The following CPNE5 variants were observed in gnomAD, a reference collection of about 807,000 sequenced individuals.
The protein encoded by CPNE5 is copine-5.
Under a neutral mutation model 81.1 loss-of-function variants are expected in CPNE5, and 42 were observed. That is an observed-to-expected ratio of 0.52 (90% confidence interval 0.40 to 0.67). The LOEUF (loss-of-function observed/expected upper bound fraction) is 0.67. Ranked by LOEUF, CPNE5 falls within the 30% of genes least tolerant of loss-of-function variation. The pLI, the probability that CPNE5 is intolerant of heterozygous loss-of-function variation, is 0.00. For missense variants in CPNE5, 612 were observed against 815.5 expected, an observed-to-expected ratio of 0.75 and a Z score of 3.04; for synonymous variants, 313 against 321.5, an observed-to-expected ratio of 0.97 and a Z score of 0.28.
chr6:36,809,546 A>T (rs750420993), intron 3 of CPNE5, among the ~76,000 whole-genome samples: 54 of 152,158 alleles, frequency 3.5e-4, no homozygotes, highest in Admixed American at 1.4e-3. Flanking sequence ...ACTGCACTCC[A>T]GCCTGGGCGA....
intron 20 of CPNE5, chr6:36,742,881 G>T: frequency 9.1e-6 from 9 of 985,278 alleles, no homozygotes; most frequent in Non-Finnish European, 1.1e-5. Context: ...TCTCTCTCTG[G>T]CCTCTCTTCG....
rs746062426 is a variant in CPNE5 at position 36,744,271 on chromosome 6, C to T, written c.1486G>A (p.Asp496Asn). 11 of 1,578,280 alleles carry T rather than the reference C, an allele frequency of 7.0e-6. No individual in the cohort carries two copies. Among genetic ancestry groups the T allele is most frequent in the Non-Finnish European group, 8.6e-6 (10 of 1,162,560 alleles). ...IIVGVGQAEFDAMVELDGDDV... is the reference protein window; with the variant it reads ...IIVGVGQAEFNAMVELDGDDV... ...GGAAGGCAGCAGCTGGACTCACCGTCGAACTCTGCCTGGCCCACGCCGACG... is the reference window on the plus strand; with the variant it reads ...GGAAGGCAGCAGCTGGACTCACCGTTGAACTCTGCCTGGCCCACGCCGACG... Residue 496 changes from aspartate (D) to asparagine (N), a missense_variant, in exon 19 of 21, where the codon GAC becomes AAC. By Grantham distance (23) the Asp-to-Asn change is conservative (BLOSUM62 1). Transcript: ENST00000244751.
At position 36,766,715 on chromosome 6, in the gene CPNE5, T is replaced by C. The variant is rs377291939; in HGVS notation, c.738-1339A>G. ...AATCTCCCCGAGCCATAAGCCACCA[T>C]TGAAAGGAGAAGTAATAACGGCCTT... On this transcript the variant is annotated intron_variant, in intron 10 of 20. Transcript: ENST00000244751. The surrounding 1 kb of genome is among the most constrained non-coding windows in gnomAD (Gnocchi z 4.2). Among the ~76,000 whole-genome samples, 1 of 152,108 alleles carries C rather than the reference T, an allele frequency of 6.6e-6. No homozygotes were observed. The highest frequency in any genetic ancestry group is 1.9e-4 in the East Asian group (1 of 5,190).
chr6:36,833,458 A>G (rs1299106076), intron 1 of CPNE5, among the ~76,000 whole-genome samples: 1 of 152,224 alleles, frequency 6.6e-6, no homozygotes, highest in African/African-American at 2.4e-5. Context: ...ATGTATAACA[A>G]AGGCGATCAG....
intron 2 of CPNE5, among the ~76,000 whole-genome samples, chr6:36,822,825 C>T (rs1295797073): frequency 2.6e-5 from 4 of 152,146 alleles, no homozygotes; most frequent in African/African-American, 7.2e-5. Context: ...ACCTCCAACC[C>T]CTCCCAGCCT....
chr6:36,789,846 T>A (rs755055758), intron 8 of CPNE5, among the ~76,000 whole-genome samples: 4 of 152,136 alleles, frequency 2.6e-5, no homozygotes, highest in Admixed American at 6.5e-5. Context: ...GCACACTGGG[T>A]GGGGTTCATT....
intron 1 of CPNE5, chr6:36,838,830 T>C (rs1017508812): frequency 2.5e-6 from 2 of 793,452 alleles, no homozygotes; most frequent in Non-Finnish European, 3.0e-6. Context: ...ATCAGGATGC[T>C]GGGGCAAAGA....
intron 4 of CPNE5, 64 bp downstream of exon 4, chr6:36,799,903 G>A: frequency 5.9e-6 from 7 of 1,190,770 alleles, no homozygotes; most frequent in Non-Finnish European, 8.8e-6. Context: ...ACAGGTCTGT[G>A]GTCCTACCTG....
intron 3 of CPNE5, among the ~76,000 whole-genome samples, chr6:36,817,783 A>G (rs1771678354): frequency 6.6e-6 from 1 of 152,102 alleles, no homozygotes; most frequent in South Asian, 2.1e-4. Context: ...ACGGGAAGAG[A>G]CTGAGGTTGC....
chr6:36,756,434 G>T (rs1453375428), intron 12 of CPNE5, 136 bp from the exon 13 acceptor site: 4 of 681,006 alleles, frequency 5.9e-6, no homozygotes, highest in Non-Finnish European at 1.0e-5. Flanking sequence ...ACGGGGCCAG[G>T]GGAGAAGGGT....
rs60481458 is a variant in CPNE5, at chr6:36,762,304, G to GCACACACACA, written c.855+603_855+612dup. On this transcript the variant is annotated intron_variant, in intron 12 of 20. Transcript: ENST00000244751. ...CACGCACGCGCACACACACATACATGCACACACACACACACACGCATGCGC... is the reference window on the plus strand; with the variant it reads ...CACGCACGCGCACACACACATACATGCACACACACACACACACACACACACACGCATGCGC... Among the ~76,000 whole-genome samples, 665 of 146,512 alleles carry GCACACACACA rather than the reference G, an allele frequency of 4.5e-3. 1 individual carries two copies. The highest frequency in any genetic ancestry group is 7.2e-3 in the Non-Finnish European group (482 of 66,772).
chr6:36,828,866 T>G (rs1325852462), intron 1 of CPNE5, among the ~76,000 whole-genome samples: 1 of 152,228 alleles, frequency 6.6e-6, no homozygotes, highest in African/African-American at 2.4e-5. Context: ...GTCCCTTACT[T>G]GCTATATGAC....
intron 10 of CPNE5, among the ~76,000 whole-genome samples, chr6:36,771,931 T>G (rs1384350531): frequency 1.3e-5 from 2 of 152,052 alleles, no homozygotes; most frequent in Non-Finnish European, 2.9e-5. Flanking sequence ...GATCTGCTTC[T>G]GGACATGGGG....
chr6:36,799,644 AGG>A (rs1273612896), intron 4 of CPNE5, among the ~76,000 whole-genome samples: 1 of 152,128 alleles, frequency 6.6e-6, no homozygotes, highest in Non-Finnish European at 1.5e-5. Context: ...AGGGGAGAAA[AGG>A]GCTCCCAGAG....
intron 13 of CPNE5, 173 bp downstream of exon 13, chr6:36,756,072 C>G: frequency 1.6e-6 from 1 of 607,010 alleles, no homozygotes; most frequent in South Asian, 2.0e-5. Flanking sequence ...TCAACTCTCT[C>G]CCCTGGCTGT....
At chr6:36,790,256 C>T (rs1409366962) in intron 8 of CPNE5, among the ~76,000 whole-genome samples, 3 of 152,170 alleles carry the variant, frequency 2.0e-5, no homozygotes, top group African/African-American at 7.2e-5. Flanking sequence ...CAAGTCAATA[C>T]ATGTAAACCA....
At position 36,765,355 on chromosome 6, in the gene CPNE5, G is replaced by A. The variant is rs763048; in HGVS notation, c.759C>T (p.Tyr253=). The part of the protein sequence containing the change: ...DYDRTIKVEV[Y]DWDRDGSHDF... Reference sequence around the variant, plus strand: ...CTTACCTGCCGTCCCGATCCCAGTCGTACACCTCCACCTTGATGGTCCTGC... The same window carrying A: ...CTTACCTGCCGTCCCGATCCCAGTCATACACCTCCACCTTGATGGTCCTGC... The change falls in exon 11 of 21, where the codon TAC becomes TAT. Residue 253 remains tyrosine (Y), a synonymous_variant. Transcript: ENST00000244751. The A allele has an allele frequency of 0.63, 1,022,404 of 1,613,498 alleles. 327,557 individuals carry two copies. The highest frequency in any genetic ancestry group is 0.66 in the Non-Finnish European group (776,930 of 1,179,612).
At chr6:36,771,878 C>T (rs2150440911) in intron 10 of CPNE5, among the ~76,000 whole-genome samples, 1 of 152,220 alleles carries the variant, frequency 6.6e-6, no homozygotes, top group African/African-American at 2.4e-5. Flanking sequence ...GAGTGACATC[C>T]CTGGCCTCCT....
At chr6:36,801,696 C>A (rs992179798) in intron 3 of CPNE5, among the ~76,000 whole-genome samples, 1 of 152,142 alleles carries the variant, frequency 6.6e-6, no homozygotes, top group African/African-American at 2.4e-5. Flanking sequence ...GTGAAATAAG[C>A]CAGTCACAGT....
Sources: allele counts gnomAD v4.1 joint callset (sites outside exome capture counted in the v4.1 genomes callset), GRCh38; gene constraint gnomAD v4.1.1; non-coding constraint Gnocchi (gnomAD v3.1); transcripts MANE v1.5; gene names NCBI Gene and HGNC (gene_info 2026-07-23, HGNC 2026-07-21).